The following NDST4 variants were observed in gnomAD, a reference collection of about 807,000 sequenced individuals.
The protein encoded by NDST4 is N-heparan sulfate sulfotransferase 4.
NDST4 carries 63 observed loss-of-function variants against 100.8 expected under a neutral mutation model. That is an observed-to-expected ratio of 0.62 (90% confidence interval 0.51 to 0.77). NDST4 has a LOEUF of 0.77. Ranked by LOEUF, NDST4 falls within the 30% of genes least tolerant of loss-of-function variation. The pLI, the probability that NDST4 is intolerant of heterozygous loss-of-function variation, is 0.00. For synonymous variants in NDST4, 377 were observed against 361.8 expected, an observed-to-expected ratio of 1.04 and a Z score of -0.48; for missense variants, 943 against 1,018.4, an observed-to-expected ratio of 0.93 and a Z score of 1.01.
intron 2 of NDST4, among the ~76,000 whole-genome samples, chr4:115,051,362 A>T (rs1728579859): frequency 6.6e-6 from 1 of 152,056 alleles, no homozygotes; most frequent in Non-Finnish European, 1.5e-5. Flanking sequence ...TGAAGTATAC[A>T]TTTAAGTAGT....
intron 6 of NDST4, among the ~76,000 whole-genome samples, chr4:114,878,760 C>A (rs1000752259): frequency 7.2e-5 from 11 of 151,914 alleles, no homozygotes; most frequent in African/African-American, 2.2e-4. Flanking sequence ...TGTATATTAT[C>A]ACCATGGATA....
rs946633255 is a variant in NDST4, at chr4:115,100,831, T to C, written c.-247+12613A>G. Among the ~76,000 whole-genome samples the C allele has an allele frequency of 2.7e-5, 4 of 150,822 alleles. No individual in the cohort carries two copies. In the East Asian group the frequency reaches 7.8e-4, roughly 29 times the overall value. On this transcript the variant is annotated intron_variant, in intron 1 of 13. Transcript: ENST00000264363. ...TTTTTTTTTTTTTTCCCTCCTGCTC[T>C]GCCCTCCTTTCCTTAAGTTCCTATT...
chr4:114,954,814 G>T (rs948396974), intron 4 of NDST4, among the ~76,000 whole-genome samples: 6 of 152,156 alleles, frequency 3.9e-5, no homozygotes, highest in African/African-American at 1.4e-4. Context: ...CTCATGAATG[G>T]CTTAACACTA....
At chr4:114,857,556 A>C (rs1249853896) in intron 7 of NDST4, among the ~76,000 whole-genome samples, 1 of 152,222 alleles carries the variant, frequency 6.6e-6, no homozygotes, top group East Asian at 1.9e-4. Flanking sequence ...GGAGAAACCC[A>C]GGCTTGGTTT....
At chr4:115,107,252 A>G (rs1729850604) in intron 1 of NDST4, among the ~76,000 whole-genome samples, 1 of 152,176 alleles carries the variant, frequency 6.6e-6, no homozygotes, top group Non-Finnish European at 1.5e-5. Context: ...ATTTACACAC[A>G]TAATACTTCT....
intron 6 of NDST4, among the ~76,000 whole-genome samples, chr4:114,931,296 C>G (rs1008861937): frequency 2.0e-5 from 3 of 151,458 alleles, no homozygotes; most frequent in Non-Finnish European, 2.9e-5. Flanking sequence ...TTTAGAGGTG[C>G]AGTCTAAATT....
chr4:115,009,921 A>C (rs1164725029), intron 2 of NDST4, among the ~76,000 whole-genome samples: 4 of 99,310 alleles, frequency 4.0e-5, no homozygotes, highest in Non-Finnish European at 6.1e-5. Flanking sequence ...TGCAGCCAAA[A>C]AACACATGAA....
chr4:115,110,462 A>C (rs1360956601), intron 1 of NDST4, among the ~76,000 whole-genome samples: 1 of 151,948 alleles, frequency 6.6e-6, no homozygotes, highest in Non-Finnish European at 1.5e-5. Flanking sequence ...GTACGTAATG[A>C]GAGTTTACCT....
rs1478921709 is a variant in NDST4, at chr4:115,008,298, C to G, written c.979-31024G>C. ...TTAGTTGATGCAGTTTCTTCCTAGA[C>G]TCGATGGTCTTTACAATTTGGCATG... is the stretch of plus-strand genomic sequence containing the variant. On this transcript the variant is annotated intron_variant, in intron 2 of 13. Coordinates refer to ENST00000264363, the MANE Select transcript of NDST4 (RefSeq NM_022569.3). 1.5e-5 allele frequency among the ~76,000 whole-genome samples: 2 copies of G among 129,122 alleles called. 1 individual carries two copies. The highest frequency in any genetic ancestry group is 6.0e-4 in the South Asian group (2 of 3,352). The allele number at this position is 129,122 out of a possible 152,430, so 84.7% of individuals were successfully genotyped here. A position where few individuals can be genotyped will look rare whatever the true frequency, so the allele number is the denominator to read the frequency against.
At chr4:114,909,620 ACTGCAGT>A (rs1312546849) in intron 6 of NDST4, among the ~76,000 whole-genome samples, 4 of 144,636 alleles carry the variant, frequency 2.8e-5, no homozygotes, top group Non-Finnish European at 4.5e-5. Flanking sequence ...AGATTGCGCC[ACTGCAGT>A]CTGCAGTCCG....
chr4:115,073,846 C>T (rs1367426756), intron 2 of NDST4, among the ~76,000 whole-genome samples: 1 of 151,858 alleles, frequency 6.6e-6, no homozygotes, highest in Non-Finnish European at 1.5e-5. Context: ...ATTCCTATGT[C>T]ATTTTTCTGT....
At chr4:115,023,340 C>A (rs1332714302) in intron 2 of NDST4, among the ~76,000 whole-genome samples, 1 of 151,956 alleles carries the variant, frequency 6.6e-6, no homozygotes, top group African/African-American at 2.4e-5. Context: ...ACAAAATTAG[C>A]CAGCTATGAT....
chr4:115,057,725 CACACACACAG>C (rs1480361568), intron 2 of NDST4, among the ~76,000 whole-genome samples: 18 of 107,888 alleles, frequency 1.7e-4, no homozygotes, highest in African/African-American at 7.3e-4. Flanking sequence ...CACACACACA[CACACACACAG>C]ACACACACAC....
chr4:114,917,087 T>A (rs1725189658), intron 6 of NDST4, among the ~76,000 whole-genome samples: 1 of 152,108 alleles, frequency 6.6e-6, no homozygotes, highest in East Asian at 1.9e-4. Context: ...CATAAAATCA[T>A]TTGGTATTTG....
intron 6 of NDST4, among the ~76,000 whole-genome samples, chr4:114,893,112 T>C (rs80347457): frequency 0.013 from 1,940 of 152,284 alleles, 44 homozygotes; most frequent in African/African-American, 0.044. Context: ...CCATGGTGTA[T>C]ATGTAGCACA....
chr4:114,899,719 T>C (rs527425061), intron 6 of NDST4, among the ~76,000 whole-genome samples: 10 of 152,310 alleles, frequency 6.6e-5, no homozygotes, highest in Admixed American at 2.0e-4. Context: ...TTATACATTG[T>C]TGGATTTAAT....
chr4:114,969,592 T>C (rs1337544819), intron 4 of NDST4, among the ~76,000 whole-genome samples: 2 of 152,176 alleles, frequency 1.3e-5, no homozygotes, highest in Non-Finnish European at 1.5e-5. Flanking sequence ...CTGTGTCAGT[T>C]TGCTTAGGAT....
chr4:114,927,901 T>G (rs552347128), intron 6 of NDST4, among the ~76,000 whole-genome samples: 168 of 152,250 alleles, frequency 1.1e-3, no homozygotes, highest in African/African-American at 3.9e-3. Context: ...AAACATCACT[T>G]TTATACACTA....
intron 7 of NDST4, among the ~76,000 whole-genome samples, chr4:114,869,442 TA>T (rs1365161919): frequency 1.1e-4 from 17 of 152,250 alleles, no homozygotes; most frequent in African/African-American, 4.1e-4. Context: ...ATCAATAATT[TA>T]TCAATTTTAT....
Sources: allele counts gnomAD v4.1 joint callset (sites outside exome capture counted in the v4.1 genomes callset), GRCh38; gene constraint gnomAD v4.1.1; transcripts MANE v1.5; gene names NCBI Gene and HGNC (gene_info 2026-07-23, HGNC 2026-07-21).